Variants in NAV3 observed in about 807,000 individuals in gnomAD.
The protein encoded by NAV3 is pore membrane and/or filament interacting like protein 1.
In NAV3, 87 loss-of-function variants were observed where a neutral mutation model predicts 244.7. The ratio of observed to expected loss-of-function variants is 0.36; its 90% CI spans 0.30 to 0.42. The LOEUF (loss-of-function observed/expected upper bound fraction) is 0.42. Among genes scored for constraint, NAV3 ranks in the 20% least tolerant of loss-of-function variants. The pLI is 1.00. For missense variants in NAV3, 2,663 were observed against 2,893.3 expected (o/e 0.92, Z 1.83); for synonymous variants, 1,126 against 1,042.2 (o/e 1.08, Z -1.55).
At chr12:77,868,660 G>A (rs529541078) in intron 1 of NAV3, among the ~76,000 whole-genome samples, 1 of 151,454 alleles carries the variant, frequency 6.6e-6, no homozygotes, top group South Asian at 2.1e-4. Flanking sequence ...GGTGGCTGAG[G>A]CGGGAGGATT....
At chr12:77,701,307 A>C (rs1241331749) in intron 2 of NAV3, among the ~76,000 whole-genome samples, 11 of 151,970 alleles carry the variant, frequency 7.2e-5, no homozygotes, top group Admixed American at 7.2e-4. Context: ...TTGATGATGT[A>C]ATCAAAGTTG....
chr12:77,711,397 G>T (rs571086674), intron 2 of NAV3, among the ~76,000 whole-genome samples: 1 of 152,294 alleles, frequency 6.6e-6, no homozygotes, highest in Admixed American at 6.5e-5. Flanking sequence ...CTGTTATGAT[G>T]TCCTTTCCCT....
intron 34 of NAV3, among the ~76,000 whole-genome samples, chr12:78,194,447 T>C (rs1344949234): frequency 1.3e-5 from 2 of 152,116 alleles, no homozygotes; most frequent in Non-Finnish European, 1.5e-5. Flanking sequence ...AATTAAAATC[T>C]GATCAAATTT....
At chr12:77,666,509 A>G (rs185623215) in intron 2 of NAV3, among the ~76,000 whole-genome samples, 52 of 152,322 alleles carry the variant, frequency 3.4e-4, no homozygotes, top group African/African-American at 1.3e-3. Flanking sequence ...AAAAAAAAGA[A>G]TACTCCACAA....
intron 2 of NAV3, among the ~76,000 whole-genome samples, chr12:77,660,330 T>A (rs74556620): frequency 0.032 from 4,897 of 152,240 alleles, 141 homozygotes; most frequent in Middle Eastern, 0.037. Flanking sequence ...GAATCAAATT[T>A]GTTTTATCTC....
At position 77,672,078 on chromosome 12, in the gene NAV3, A is replaced by G. The variant is rs187117800; in HGVS notation, c.72+99812A>G. Among the ~76,000 whole-genome samples, 83 of 152,274 alleles carry G rather than the reference A, an allele frequency of 5.5e-4. 1 individual carries two copies. Among genetic ancestry groups the G allele is most frequent in the African/African-American group, 1.9e-3 (81 of 41,576 alleles). On this transcript the variant is annotated intron_variant, in intron 2 of 8. Transcript: ENST00000550042. The stretch of plus-strand genomic sequence containing the variant: ...CAGCAAGAAACAAACAAGCAATCCC[A>G]TCAAAAAATGGGCTAAGGACATGAA...
intron 1 of NAV3, among the ~76,000 whole-genome samples, chr12:77,909,578 C>T (rs371153940): frequency 1.2e-4 from 19 of 152,010 alleles, no homozygotes; most frequent in East Asian, 9.7e-4. Flanking sequence ...AAAATATTAG[C>T]TGATGCAACA....
intron 2 of NAV3, among the ~76,000 whole-genome samples, chr12:77,735,750 G>A (rs1489468468): frequency 1.3e-5 from 2 of 152,084 alleles, no homozygotes; most frequent in African/African-American, 4.8e-5. Flanking sequence ...AATGCCCATT[G>A]CTTGAATCTA....
intron 12 of NAV3, among the ~76,000 whole-genome samples, chr12:78,059,900 C>T (rs992748723): frequency 6.6e-6 from 1 of 151,650 alleles, no homozygotes; most frequent in Admixed American, 6.6e-5. Flanking sequence ...GTGTTGTAAA[C>T]ATAGAAAAAC....
At chr12:78,097,100 C>T (rs1954292335) in intron 12 of NAV3, among the ~76,000 whole-genome samples, 1 of 152,130 alleles carries the variant, frequency 6.6e-6, no homozygotes, top group South Asian at 2.1e-4. Flanking sequence ...AAGGTAGTAG[C>T]CTGAGAGCAG....
intron 9 of NAV3, among the ~76,000 whole-genome samples, chr12:78,025,984 T>C (rs959953015): frequency 2.0e-5 from 3 of 152,190 alleles, no homozygotes; most frequent in African/African-American, 7.2e-5. Flanking sequence ...GCGTCACAAA[T>C]GGACTAAGAT....
chr12:77,600,087 T>C (rs1870356030), intron 2 of NAV3, among the ~76,000 whole-genome samples: 1 of 151,980 alleles, frequency 6.6e-6, no homozygotes, highest in Non-Finnish European at 1.5e-5. Context: ...TCAGAATATA[T>C]TTAGAAACAT....
intron 8 of NAV3, among the ~76,000 whole-genome samples, chr12:78,016,602 T>C (rs1593286812): frequency 6.6e-6 from 1 of 152,246 alleles, no homozygotes; most frequent in East Asian, 1.9e-4. Flanking sequence ...GCAAGCACAT[T>C]AGTGGTTTTT....
upstream of NAV3, among the ~76,000 whole-genome samples, chr12:77,829,825 T>C (rs1406714260): frequency 6.6e-6 from 1 of 152,192 alleles, no homozygotes; most frequent in East Asian, 1.9e-4. Flanking sequence ...TACGTAGTGA[T>C]TTAAAGACCT....
At position 78,201,850 on chromosome 12, in the gene NAV3, TA is replaced by T. The variant is rs557842307; in HGVS notation, c.6834+1266del. ...AGTGTGTTGTCTTTATTTTGCTATC[TA>T]AAAAAATTGTCCATCTATTTTTCCC... On this transcript the variant is annotated intron_variant, in intron 38 of 39. Transcript: ENST00000397909. Among the ~76,000 whole-genome samples, 882 of 152,024 alleles carry T rather than the reference TA, an allele frequency of 5.8e-3. 9 individuals carry two copies. Among genetic ancestry groups the T allele is most frequent in the African/African-American group, 0.02 (834 of 41,482 alleles).
chr12:77,846,258 A>T (rs937581203), intron 1 of NAV3, among the ~76,000 whole-genome samples: 19 of 152,240 alleles, frequency 1.2e-4, no homozygotes, highest in Admixed American at 3.9e-4. Flanking sequence ...GGTATGAACT[A>T]TCTGAGAATC....
chr12:77,848,143 T>C (rs1487035293), intron 1 of NAV3, among the ~76,000 whole-genome samples: 2 of 152,174 alleles, frequency 1.3e-5, no homozygotes, highest in African/African-American at 4.8e-5. Context: ...TAGTAAAACT[T>C]CAGAGCACAT....
At chr12:78,026,784 A>G (rs1878128833) in intron 9 of NAV3, among the ~76,000 whole-genome samples, 1 of 152,216 alleles carries the variant, frequency 6.6e-6, no homozygotes, top group Admixed American at 6.5e-5. Context: ...TGGTTAGTAT[A>G]TAGATAGCAT....
intron 2 of NAV3, among the ~76,000 whole-genome samples, chr12:77,739,160 AAAAG>A (rs1196183727): frequency 6.6e-6 from 1 of 152,028 alleles, no homozygotes; most frequent in East Asian, 1.9e-4. Flanking sequence ...AAATCTGGAT[AAAAG>A]CATGTATCTC....
Sources: allele counts gnomAD v4.1 joint callset (sites outside exome capture counted in the v4.1 genomes callset), GRCh38; gene constraint gnomAD v4.1.1; transcripts MANE v1.5; gene names NCBI Gene and HGNC (gene_info 2026-07-23, HGNC 2026-07-21).